ZNF865: variants seen among roughly 807,000 people sequenced by gnomAD.
ZNF865 encodes the protein zinc finger protein 865.
For missense variants in ZNF865, 1,311 were observed against 1,593.4 expected, an observed-to-expected ratio of 0.82 and a Z score of 3.02; for synonymous variants, 763 against 750.8, an observed-to-expected ratio of 1.02 and a Z score of -0.27.
At position 55,611,539 on chromosome 19, in the gene ZNF865, G is replaced by A. The variant is rs959997765; in HGVS notation, c.-26-2054G>A. ...AAACGGAGGGGGTGTGAAGGGCATG[G>A]GATGTTGAGTCTTGTCCAAGGACAA... On this transcript the variant is annotated intron_variant, in intron 1 of 1. Transcript: ENST00000568956. This position sits in a 1 kb window ranked among gnomAD's most constrained non-coding sequence, Gnocchi z 4.5. 1.3e-5 allele frequency among the ~76,000 whole-genome samples: 2 copies of A among 152,150 alleles called. No individual in the cohort carries two copies. Among genetic ancestry groups the A allele is most frequent in the East Asian group, 1.9e-4 (1 of 5,180 alleles).
chr19:55,613,617 A>C lies in ZNF865; in HGVS notation c.-2A>C. The C allele has an allele frequency of 6.6e-7, 1 of 1,512,922 alleles. No individual in the cohort carries two copies. 93.7% of individuals were successfully genotyped at this position (1,512,922 alleles called of 1,614,324 possible). ...GGGTCTCCCGTCTCCCACCCGCCGGAGATGGAGGCGAACCCAGCGGGCAGC... is the reference window on the plus strand; with the variant it reads ...GGGTCTCCCGTCTCCCACCCGCCGGCGATGGAGGCGAACCCAGCGGGCAGC... On this transcript the variant is annotated 5_prime_UTR_variant, in exon 2 of 2. Transcript: ENST00000568956.
Position 55,616,847 on chromosome 19 carries a change from C to T in ZNF865, c.*49C>T, listed in dbSNP as rs1981379325. The stretch of plus-strand genomic sequence containing the variant: ...CATCAAAAGCCCCCTTCTGGACTCC[C>T]ACCTCCCAGGACTGATCAGACTCTT... On this transcript the variant is annotated 3_prime_UTR_variant, in exon 2 of 2. Coordinates refer to ENST00000568956, the MANE Select transcript of ZNF865 (RefSeq NM_001195605.2). The T allele has an allele frequency of 7.0e-7, 1 of 1,427,076 alleles. No individual in the cohort carries two copies. Among genetic ancestry groups the T allele is most frequent in the East Asian group, 2.5e-5 (1 of 39,396 alleles). 88.4% of individuals were successfully genotyped at this position (1,427,076 alleles called of 1,614,324 possible).
In ZNF865 at chr19:55,613,891, G is replaced by A. The variant is rs1363761892; in HGVS notation, c.273G>A (p.Val91=). ...PQSTFKPKAE[V]PSSSSSSSSS... is the part of the protein sequence containing the mutation. ...CCACCTTCAAGCCCAAGGCGGAGGT[G>A]CCCTCCTCGTCCTCGTCCTCGTCCT... The change falls in exon 2 of 2, where the codon GTG becomes GTA. Residue 91 remains valine, a synonymous_variant. Coordinates refer to ENST00000568956, the MANE Select transcript of ZNF865 (RefSeq NM_001195605.2). The A allele has an allele frequency of 1.3e-6, 2 of 1,508,666 alleles. No homozygotes were observed. The highest frequency in any genetic ancestry group is 2.0e-5 in the Admixed American group (1 of 50,598). The allele number at this position is 1,508,666 out of a possible 1,614,324, so 93.5% of individuals were successfully genotyped here. A position where few individuals can be genotyped will look rare whatever the true frequency, so the allele number is the denominator to read the frequency against.
chr19:55,616,673 T>C lies in ZNF865; in HGVS notation c.3055T>C (p.Cys1019Arg). 6.5e-7 allele frequency: 1 copy of C among 1,530,442 alleles called. No individual in the cohort carries two copies. The highest frequency in any genetic ancestry group is 8.7e-7 in the Non-Finnish European group (1 of 1,144,450). 94.8% of individuals were successfully genotyped at this position (1,530,442 alleles called of 1,614,324 possible). ...AAHQGGRPFR[C>R]SSCGEGFANT... ...CCACCAGGGCGGCCGGCCCTTCCGC[T>C]GCTCCTCCTGCGGCGAGGGCTTCGC... Residue 1019 changes from cysteine (C) to arginine (R), a missense_variant, in exon 2 of 2, where the codon TGC becomes CGC. Cys to Arg is a radical substitution (Grantham distance 180, BLOSUM62 -3). Transcript: ENST00000568956.
At position 55,615,412 on chromosome 19, in the gene ZNF865, G is replaced by A. The variant is rs1981315239; in HGVS notation, c.1794G>A (p.Val598=). Residue 598 remains valine, a synonymous_variant, in exon 2 of 2, where the codon GTG becomes GTA. Coordinates refer to ENST00000568956, the MANE Select transcript of ZNF865 (RefSeq NM_001195605.2). ...CCTTCCACTTGAGCAAGCATCACGT[G>A]GTGCACACGCGCGAGCGGCCCTACA... ...RESFHLSKHH[V]VHTRERPYKC... The A allele has an allele frequency of 6.7e-7, 1 of 1,495,776 alleles. No homozygotes were observed. The highest frequency in any genetic ancestry group is 8.9e-7 in the Non-Finnish European group (1 of 1,127,180). The allele number at this position is 1,495,776 out of a possible 1,614,324, so 92.7% of individuals were successfully genotyped here.
chr19:55,606,648 G>A (rs1430654522), intron 1 of ZNF865, among the ~76,000 whole-genome samples: 4 of 152,198 alleles, frequency 2.6e-5, no homozygotes, highest in South Asian at 2.1e-4. Flanking sequence ...TCAGGCTATC[G>A]TCCTGGACTC....
At position 55,617,051 on chromosome 19, in the gene ZNF865, G is replaced by A. The variant is rs1233400498; in HGVS notation, c.*253G>A. ...CAACCCTCGTTTGTGACCCGCATCAGCCCCCGCCCCAGCAGCACTCTGCCC... is the reference window on the plus strand; with the variant it reads ...CAACCCTCGTTTGTGACCCGCATCAACCCCCGCCCCAGCAGCACTCTGCCC... On this transcript the variant is annotated 3_prime_UTR_variant, in exon 2 of 2. Transcript: ENST00000568956. 3.2e-5 allele frequency: 13 copies of A among 409,804 alleles called. No individual in the cohort carries two copies. Among genetic ancestry groups the A allele is most frequent in the Non-Finnish European group, 5.6e-5 (13 of 233,602 alleles). The allele number at this position is 409,804 out of a possible 1,614,324, so 25.4% of individuals were successfully genotyped here.
At chr19:55,607,439 GAAAAAAAAAAAA>G (rs112301848) in intron 1 of ZNF865, among the ~76,000 whole-genome samples, 4 of 78,392 alleles carry the variant, frequency 5.1e-5, no homozygotes, top group Non-Finnish European at 7.6e-5. Context: ...GTCTTTACAG[GAAAAAAAAAAAA>G]AAAAAAAAAA....
chr19:55,614,469 C>T lies in ZNF865; in HGVS notation c.851C>T (p.Pro284Leu). ...GACGTGCCACCGGCCGCGGGGGGCC[C>T]GCCCCAGCCCGGCCCCCACCTCCCG... ...HKDVPPAAGG[P>L]PQPGPHLPPL... Residue 284 changes from proline (P) to leucine (L), a missense_variant, in exon 2 of 2, where the codon CCG (proline) becomes CTG (leucine). Pro to Leu is a moderately conservative substitution (Grantham distance 98). Coordinates refer to ENST00000568956, the MANE Select transcript of ZNF865 (RefSeq NM_001195605.2). This position sits in a 1 kb window ranked among gnomAD's most constrained non-coding sequence, Gnocchi z 8.0. 5 of 1,394,334 alleles carry T rather than the reference C, an allele frequency of 3.6e-6. No homozygotes were observed. The highest frequency in any genetic ancestry group is 4.7e-6 in the Non-Finnish European group (5 of 1,074,418). The allele number at this position is 1,394,334 out of a possible 1,614,324, so 86.4% of individuals were successfully genotyped here. A position where few individuals can be genotyped will look rare whatever the true frequency, so the allele number is the denominator to read the frequency against.
In ZNF865 at chr19:55,614,108, C is replaced by A. The variant is rs1981246373; in HGVS notation, c.490C>A (p.Arg164=). ...GHQHLFGNLK[R]GGPASGPGVT... The stretch of plus-strand genomic sequence containing the variant: ...CCAGCACTTGTTTGGGAACCTGAAG[C>A]GAGGAGGGCCCGCGTCCGGGCCGGG... The change falls in exon 2 of 2, where the codon CGA becomes AGA. Residue 164 remains arginine, a synonymous_variant. Coordinates refer to ENST00000568956, the MANE Select transcript of ZNF865 (RefSeq NM_001195605.2). This position sits in a 1 kb window ranked among gnomAD's most constrained non-coding sequence, Gnocchi z 8.0. The A allele has an allele frequency of 2.8e-6, 4 of 1,435,894 alleles. No homozygotes were observed. Among genetic ancestry groups the A allele is most frequent in the Non-Finnish European group, 2.7e-6 (3 of 1,103,564 alleles). The allele number at this position is 1,435,894 out of a possible 1,614,324, so 88.9% of individuals were successfully genotyped here. A position where few individuals can be genotyped will look rare whatever the true frequency, so the allele number is the denominator to read the frequency against.
Position 55,614,761 on chromosome 19 carries a change from C to G in ZNF865, c.1143C>G (p.Ser381=). 2 of 1,580,058 alleles carry G rather than the reference C, an allele frequency of 1.3e-6. No individual in the cohort carries two copies. Among genetic ancestry groups the G allele is most frequent in the Non-Finnish European group, 1.7e-6 (2 of 1,171,334 alleles). The change falls in exon 2 of 2, where the codon TCC becomes TCG. Residue 381 remains serine, a synonymous_variant. Transcript: ENST00000568956. This position sits in a 1 kb window ranked among gnomAD's most constrained non-coding sequence, Gnocchi z 8.0. ...CGGGCGAGAAGCCCTTCTCCTGCTC[C>G]GTGTGCAGCAAAAGCTTCAACCGCA... is the stretch of plus-strand genomic sequence containing the variant. ...IHTGEKPFSC[S]VCSKSFNRRE...
Position 55,616,307 on chromosome 19 carries a change from G to T in ZNF865, c.2689G>T (p.Val897Leu). Residue 897 changes from valine to leucine, a missense_variant, in exon 2 of 2, where the codon GTG becomes TTG. Physicochemically the swap from Val to Leu is conservative, Grantham distance 32. Transcript: ENST00000568956. ...RSWYLRQHRV[V>L]HTGERAFKCG... ...CTGGTACCTGCGGCAGCACCGCGTG[G>T]TGCACACTGGCGAGCGGGCCTTCAA... 2 of 1,521,768 alleles carry T rather than the reference G, an allele frequency of 1.3e-6. No homozygotes were observed. The highest frequency in any genetic ancestry group is 1.8e-6 in the Non-Finnish European group (2 of 1,139,532). The allele number at this position is 1,521,768 out of a possible 1,614,324, so 94.3% of individuals were successfully genotyped here.
Position 55,612,107 on chromosome 19 carries a change from T to G in ZNF865, c.-26-1486T>G, listed in dbSNP as rs551053493. On this transcript the variant is annotated intron_variant, in intron 1 of 1. Coordinates refer to ENST00000568956, the MANE Select transcript of ZNF865 (RefSeq NM_001195605.2). ...GGCTTAGCCCAGGTGTGTGATGTCA[T>G]GGATGGTACAAATAGCTCAGGGGGT... Among the ~76,000 whole-genome samples the G allele has an allele frequency of 5.9e-5, 9 of 152,292 alleles. No homozygotes were observed. The East Asian group carries it at 1.4e-3, about 23-fold the overall frequency.
intron 1 of ZNF865, among the ~76,000 whole-genome samples, chr19:55,606,053 T>G (rs1035195972): frequency 1.3e-5 from 2 of 152,154 alleles, no homozygotes; most frequent in East Asian, 3.9e-4. Context: ...TTCCTCCAGG[T>G]CAGCCTCCAG....
At chr19:55,609,623 T>G (rs1302471017) in intron 1 of ZNF865, among the ~76,000 whole-genome samples, 3 of 152,258 alleles carry the variant, frequency 2.0e-5, no homozygotes, top group Non-Finnish European at 4.4e-5. Flanking sequence ...CACATGACCT[T>G]GGAGGAATGC....
chr19:55,607,270 G>A (rs1012535995), intron 1 of ZNF865, among the ~76,000 whole-genome samples: 3 of 152,110 alleles, frequency 2.0e-5, no homozygotes, highest in African/African-American at 7.2e-5. Context: ...TGTCCTCATG[G>A]AGTGGATATG....
In ZNF865 at chr19:55,616,294, G is replaced by T; in HGVS notation, c.2676G>T (p.Arg892=). ...GRGFLRSWYL[R]QHRVVHTGER... Reference sequence around the variant, plus strand: ...GCTTCCTGCGCTCCTGGTACCTGCGGCAGCACCGCGTGGTGCACACTGGCG... The same window carrying T: ...GCTTCCTGCGCTCCTGGTACCTGCGTCAGCACCGCGTGGTGCACACTGGCG... The change falls in exon 2 of 2, where the codon CGG becomes CGT. Residue 892 remains arginine, a synonymous_variant. Coordinates refer to ENST00000568956, the MANE Select transcript of ZNF865 (RefSeq NM_001195605.2). 6.6e-7 allele frequency: 1 copy of T among 1,518,900 alleles called. No individual in the cohort carries two copies. The highest frequency in any genetic ancestry group is 8.8e-7 in the Non-Finnish European group (1 of 1,137,768). The allele number at this position is 1,518,900 out of a possible 1,614,324, so 94.1% of individuals were successfully genotyped here. A position where few individuals can be genotyped will look rare whatever the true frequency, so the allele number is the denominator to read the frequency against.
At chr19:55,606,898 GAAAGCTGAATTA>G in intron 1 of ZNF865, among the ~76,000 whole-genome samples, 3 of 152,210 alleles carry the variant, frequency 2.0e-5, no homozygotes, top group Admixed American at 6.5e-5. Context: ...CTTTAGAGGT[GAAAGCTGAATTA>G]CAAGTGGCAG....
At position 55,614,647 on chromosome 19, in the gene ZNF865, C is replaced by CG. The variant is rs1568526415; in HGVS notation, c.1034dup (p.Gly346TrpfsTer224). The CG allele has an allele frequency of 6.5e-7, 1 of 1,536,530 alleles. No homozygotes were observed. Among genetic ancestry groups the CG allele is most frequent in the Non-Finnish European group, 8.7e-7 (1 of 1,148,266 alleles). On this transcript the variant is annotated frameshift_variant, in exon 2 of 2. Coordinates refer to ENST00000568956, the MANE Select transcript of ZNF865 (RefSeq NM_001195605.2). LOFTEE classifies it low-confidence loss of function (END_TRUNC). This position sits in a 1 kb window ranked among gnomAD's most constrained non-coding sequence, Gnocchi z 8.0. ...GTGTTGGGGTGCCCCCTCCTGCCACCGGGGGTGGCGATGGCCCGTTCGCCT... is the reference window on the plus strand; with the variant it reads ...GTGTTGGGGTGCCCCCTCCTGCCACCGGGGGGTGGCGATGGCCCGTTCGCCT...
Sources: allele counts gnomAD v4.1 joint callset (sites outside exome capture counted in the v4.1 genomes callset), GRCh38; gene constraint gnomAD v4.1.1; non-coding constraint Gnocchi (gnomAD v3.1); transcripts MANE v1.5; gene names NCBI Gene and HGNC (gene_info 2026-07-23, HGNC 2026-07-21).